EEPD1: variants seen among roughly 807,000 people sequenced by gnomAD.
EEPD1 encodes endonuclease/exonuclease/phosphatase family domain containing 1, also known as endonuclease/exonuclease/phosphatase family domain-containing protein 1.
A neutral mutation model predicts 46.3 loss-of-function variants in EEPD1; 17 were observed. The ratio of observed to expected loss-of-function variants is 0.37; its 90% CI spans 0.25 to 0.55. EEPD1 has a LOEUF of 0.55. Ranked by LOEUF, EEPD1 falls within the 20% of genes least tolerant of loss-of-function variation. The pLI is 0.83. For synonymous variants in EEPD1, 313 were observed against 315.6 expected (o/e 0.99, Z 0.09); for missense variants, 673 against 745.6 (o/e 0.90, Z 1.13).
chr7:36,192,772 ATGT>A (rs1673412240), intron 2 of EEPD1, among the ~76,000 whole-genome samples: 2 of 152,346 alleles, frequency 1.3e-5, no homozygotes, highest in African/African-American at 4.8e-5. Context: ...CTAGAACTAA[ATGT>A]TGTTTTCGTG....
intron 2 of EEPD1, among the ~76,000 whole-genome samples, chr7:36,197,028 C>G (rs1415385233): frequency 1.3e-5 from 2 of 151,174 alleles, no homozygotes; most frequent in African/African-American, 2.4e-5. Context: ...CCCGCCGCCC[C>G]GTCTGGGATG....
chr7:36,157,482 T>C (rs543187829), intron 2 of EEPD1, among the ~76,000 whole-genome samples: 8 of 152,332 alleles, frequency 5.3e-5, no homozygotes, highest in African/African-American at 1.9e-4. Context: ...TTTTTTCTTC[T>C]TTGGGTTTCC....
intron 2 of EEPD1, among the ~76,000 whole-genome samples, chr7:36,192,506 T>C (rs1268631051): frequency 2.0e-5 from 1 of 48,872 alleles, no homozygotes; most frequent in African/African-American, 6.0e-5. Context: ...TTCTTCTTTC[T>C]CTTTCTTTAA....
intron 5 of EEPD1, among the ~76,000 whole-genome samples, chr7:36,287,298 G>T (rs1290413066): frequency 1.3e-5 from 2 of 149,132 alleles, no homozygotes; most frequent in Non-Finnish European, 3.0e-5. Context: ...ACCATGCCTG[G>T]CCTTCCACCT....
rs1033632254 is a variant in EEPD1 at position 36,283,173 on chromosome 7, ACTCT to A, written c.1042-1508_1042-1505del. ...AGGTGCTCGGACCTGAGCCCAGTTCACTCTCTCTGTCTGGAAACCCTGTTCCTCC... is the reference window on the plus strand; with the variant it reads ...AGGTGCTCGGACCTGAGCCCAGTTCACTCTGTCTGGAAACCCTGTTCCTCC... On this transcript the variant is annotated intron_variant, in intron 4 of 7. Coordinates refer to ENST00000242108, the MANE Select transcript of EEPD1 (RefSeq NM_030636.3). Among the ~76,000 whole-genome samples the A allele has an allele frequency of 4.6e-5, 7 of 151,718 alleles. 1 individual carries two copies. Among genetic ancestry groups the A allele is most frequent in the African/African-American group, 7.3e-5 (3 of 41,234 alleles).
chr7:36,192,552 G>C (rs935933734), intron 2 of EEPD1, among the ~76,000 whole-genome samples: 1 of 151,986 alleles, frequency 6.6e-6, no homozygotes, highest in Non-Finnish European at 1.5e-5. Flanking sequence ...ATATTGAAAA[G>C]TACAGCAGTC....
At chr7:36,174,925 C>T (rs1172841956) in intron 2 of EEPD1, among the ~76,000 whole-genome samples, 1 of 152,202 alleles carries the variant, frequency 6.6e-6, no homozygotes, top group African/African-American at 2.4e-5. Context: ...TGGGCAGCCT[C>T]CCAAGCCAGA....
intron 2 of EEPD1, among the ~76,000 whole-genome samples, chr7:36,167,822 T>C (rs1316105175): frequency 1.3e-5 from 2 of 152,080 alleles, no homozygotes; most frequent in Non-Finnish European, 2.9e-5. Flanking sequence ...TTCAAGCGAT[T>C]CTCCTGCCTC....
chr7:36,154,080 A>G lies in EEPD1; in HGVS notation c.-192-53A>G. On this transcript the variant is annotated intron_variant, in intron 1 of 7. Coordinates refer to ENST00000242108, the MANE Select transcript of EEPD1 (RefSeq NM_030636.3). The surrounding 1 kb of genome is among the most constrained non-coding windows in gnomAD (Gnocchi z 4.2). ...ACTCTAGCACTAGGTAGGGGGTGCT[A>G]ATGCAAATTTCTTAATTCAATGGGT... The G allele has an allele frequency of 1.8e-6, 1 of 553,454 alleles. No homozygotes were observed. The highest frequency in any genetic ancestry group is 3.1e-5 in the East Asian group (1 of 32,040). 34.3% of individuals were successfully genotyped at this position (553,454 alleles called of 1,614,324 possible).
chr7:36,226,893 A>G (rs916166796), intron 2 of EEPD1, among the ~76,000 whole-genome samples: 2 of 152,230 alleles, frequency 1.3e-5, no homozygotes, highest in African/African-American at 4.8e-5. Context: ...CAGAGAAACC[A>G]AAGAAAACAG....
intron 6 of EEPD1, among the ~76,000 whole-genome samples, chr7:36,295,803 G>A (rs1787513364): frequency 6.6e-6 from 1 of 152,056 alleles, no homozygotes; most frequent in African/African-American, 2.4e-5. Context: ...GGGAGAGGCG[G>A]ACGGATCACT....
intron 2 of EEPD1, among the ~76,000 whole-genome samples, chr7:36,198,343 A>AAAAAAAAAAAAAAAG (rs1554313387): frequency 1.4e-4 from 15 of 108,200 alleles, no homozygotes; most frequent in East Asian, 5.2e-4. Context: ...AAAAGAAAAG[A>AAAAAAAAAAAAAAAG]AAAAAAAAAA....
In EEPD1 at chr7:36,154,187, G is replaced by C; in HGVS notation, c.-138G>C. 1.0e-5 allele frequency: 11 copies of C among 1,089,746 alleles called. No individual in the cohort carries two copies. The highest frequency in any genetic ancestry group is 1.4e-5 in the Non-Finnish European group (11 of 784,834). The allele number at this position is 1,089,746 out of a possible 1,614,324, so 67.5% of individuals were successfully genotyped here. A position where few individuals can be genotyped will look rare whatever the true frequency, so the allele number is the denominator to read the frequency against. On this transcript the variant is annotated 5_prime_UTR_variant, in exon 2 of 8. Transcript: ENST00000242108. This position sits in a 1 kb window ranked among gnomAD's most constrained non-coding sequence, Gnocchi z 4.2. ...GCCAGGCATGGAAGATTCGGTGTTT[G>C]TCTATAGTAACCTCTTCAGTCCCTG...
intron 2 of EEPD1, among the ~76,000 whole-genome samples, chr7:36,199,555 C>T (rs1785676751): frequency 6.6e-6 from 1 of 152,180 alleles, no homozygotes; most frequent in Non-Finnish European, 1.5e-5. Flanking sequence ...CCCTGGGCAG[C>T]CTGGGCCAGC....
chr7:36,260,522 C>T (rs1409008456), intron 3 of EEPD1, among the ~76,000 whole-genome samples: 1 of 152,216 alleles, frequency 6.6e-6, no homozygotes, highest in Non-Finnish European at 1.5e-5. Flanking sequence ...TGAAGAGCAA[C>T]TCATACTTCT....
intron 2 of EEPD1, among the ~76,000 whole-genome samples, chr7:36,169,857 G>T (rs916425926): frequency 2.6e-5 from 4 of 152,178 alleles, no homozygotes; most frequent in Admixed American, 1.3e-4. Context: ...GGTGTCCTCT[G>T]GTTTTCACAC....
intron 6 of EEPD1, among the ~76,000 whole-genome samples, chr7:36,295,187 A>G (rs1298141918): frequency 6.6e-6 from 1 of 151,982 alleles, no homozygotes; most frequent in Non-Finnish European, 1.5e-5. Flanking sequence ...AAAAAGAAAA[A>G]AAGAAAAAAT....
chr7:36,249,169 C>T (rs933564210), intron 3 of EEPD1, among the ~76,000 whole-genome samples: 16 of 152,174 alleles, frequency 1.1e-4, no homozygotes, highest in African/African-American at 3.4e-4. Context: ...GACTTTTAAA[C>T]TGTCTTTCGT....
chr7:36,206,727 T>C lies in EEPD1; in HGVS notation c.879-32258T>C, dbSNP rs556114521. ...ACAGGCCCTTCCAGTTACAGGACAC[T>C]TTGGTATGTTTTCCTGTGCACCTAA... On this transcript the variant is annotated intron_variant, in intron 2 of 7. Coordinates refer to ENST00000242108, the MANE Select transcript of EEPD1 (RefSeq NM_030636.3). 1.6e-4 allele frequency among the ~76,000 whole-genome samples: 25 copies of C among 152,338 alleles called. No individual in the cohort carries two copies. In the East Asian group the frequency reaches 2.3e-3, roughly 14 times the overall value.
Sources: allele counts gnomAD v4.1 joint callset (sites outside exome capture counted in the v4.1 genomes callset), GRCh38; gene constraint gnomAD v4.1.1; non-coding constraint Gnocchi (gnomAD v3.1); transcripts MANE v1.5; gene names NCBI Gene and HGNC (gene_info 2026-07-23, HGNC 2026-07-21).